The following MED12L variants were observed in gnomAD, a reference collection of about 807,000 sequenced individuals.
The protein encoded by MED12L is mediator complex subunit 12L, also known as mediator of RNA polymerase II transcription subunit 12-like protein.
Under a neutral mutation model 281.3 loss-of-function variants are expected in MED12L, and 60 were observed. The observed-to-expected ratio is 0.21, with a 90% CI of 0.17 to 0.26. The LOEUF is 0.26. Among genes scored for constraint, MED12L ranks in the 10% least tolerant of loss-of-function variants. The pLI is 1.00. For missense variants in MED12L, 2,146 were observed against 2,680.9 expected (o/e 0.80, Z 4.41); for synonymous variants, 974 against 987.2 (o/e 0.99, Z 0.25).
intron 16 of MED12L, chr3:151,294,487 G>T (rs1384696244): frequency 6.2e-7 from 1 of 1,614,174 alleles, no homozygotes. Flanking sequence ...CAACCCTGAT[G>T]CTCTGGTTAT....
At chr3:151,263,056 C>G (rs1387168281) in intron 16 of MED12L, among the ~76,000 whole-genome samples, 1 of 151,924 alleles carries the variant, frequency 6.6e-6, no homozygotes, top group African/African-American at 2.4e-5. Context: ...CGTGGGGTGG[C>G]GTTGGGGAAG....
At chr3:151,093,444 A>G (rs1311985948) in intron 2 of MED12L, among the ~76,000 whole-genome samples, 1 of 152,196 alleles carries the variant, frequency 6.6e-6, no homozygotes, top group East Asian at 1.9e-4. Flanking sequence ...CCTTTGCTTT[A>G]GTTTGCTATC....
At chr3:151,086,239 GCACCGGCCGCTTCC>G (rs983113312) in intron 1 of MED12L, among the ~76,000 whole-genome samples, 89 of 152,256 alleles carry the variant, frequency 5.8e-4, no homozygotes, top group Non-Finnish European at 1.1e-3. Context: ...CGTCTAGGAG[GCACCGGCCGCTTCC>G]CACCGGCCGC....
Position 151,383,817 on chromosome 3 carries a change from G to A in MED12L, c.4719G>A (p.Gln1573=). The change falls in exon 34 of 45, where the codon CAG becomes CAA. Residue 1573 remains glutamine, a synonymous_variant. Coordinates refer to ENST00000687756, the MANE Select transcript of MED12L (RefSeq NM_001393769.1). The part of the protein sequence containing the change: ...GMFDTVQRST[Q]WTTDWALLLL... Reference sequence around the variant, plus strand: ...TTGACACGGTGCAGAGGAGCACCCAGTGGACTACAGACTGGGCCCTGCTAC... The same window carrying A: ...TTGACACGGTGCAGAGGAGCACCCAATGGACTACAGACTGGGCCCTGCTAC... 1 of 1,614,044 alleles carries A rather than the reference G, an allele frequency of 6.2e-7. No individual in the cohort carries two copies. Among genetic ancestry groups the A allele is most frequent in the Non-Finnish European group, 8.5e-7 (1 of 1,179,942 alleles).
intron 16 of MED12L, among the ~76,000 whole-genome samples, chr3:151,208,421 G>A (rs561137117): frequency 6.6e-6 from 1 of 152,290 alleles, no homozygotes; most frequent in Non-Finnish European, 1.5e-5. Context: ...GGGCGCTCAC[G>A]CCTGTCATCT....
chr3:151,287,645 G>C (rs959546274), intron 16 of MED12L, among the ~76,000 whole-genome samples: 3 of 152,122 alleles, frequency 2.0e-5, no homozygotes, highest in African/African-American at 7.2e-5. Context: ...AGCTAGGTGT[G>C]CCTCGGTTTC....
chr3:151,431,570 T>A (rs1046777067), intron 44 of MED12L, among the ~76,000 whole-genome samples: 2 of 152,222 alleles, frequency 1.3e-5, no homozygotes, highest in African/African-American at 2.4e-5. Flanking sequence ...ATCTGGTCTA[T>A]TAAAACACAT....
rs1014222704 is a variant in MED12L at position 151,086,985 on chromosome 3, G to T, written c.59G>T (p.Gly20Val). The change falls in exon 2 of 45, where the codon GGG (glycine) becomes GTG (valine). Residue 20 changes from glycine (G) to valine (V), a missense_variant. By Grantham distance (109) the Gly-to-Val change is moderately radical. Transcript: ENST00000687756. ...AGACCGCTGAAGCGCCCCCGGCTCG[G>T]GCCGCCCGACGTCTACCCACAGGAC... Reference protein sequence around the residue: ...EQRPLKRPRLGPPDVYPQDPK... With the variant: ...EQRPLKRPRLVPPDVYPQDPK... 11 of 1,610,286 alleles carry T rather than the reference G, an allele frequency of 6.8e-6. No individual in the cohort carries two copies. The highest frequency in any genetic ancestry group is 9.3e-6 in the Non-Finnish European group (11 of 1,179,050).
rs1008785832 is a variant in MED12L, at chr3:151,415,454, C to T, written c.6298-858C>T. ...CTTGTTGGGATCATGCTACCCAGACCTCTGCTAGGATTCCAGATCCATGAG... is the reference window on the plus strand; with the variant it reads ...CTTGTTGGGATCATGCTACCCAGACTTCTGCTAGGATTCCAGATCCATGAG... On this transcript the variant is annotated intron_variant, in intron 42 of 44. Coordinates refer to ENST00000687756, the MANE Select transcript of MED12L (RefSeq NM_001393769.1). Among the ~76,000 whole-genome samples the T allele has an allele frequency of 8.5e-5, 13 of 152,240 alleles. 1 individual carries two copies. The highest frequency in any genetic ancestry group is 8.3e-4 in the South Asian group (4 of 4,832).
chr3:151,257,020 G>A (rs925774126), intron 16 of MED12L, among the ~76,000 whole-genome samples: 4 of 152,102 alleles, frequency 2.6e-5, no homozygotes, highest in Admixed American at 2.6e-4. Flanking sequence ...AGAAGCACAT[G>A]GATTTGAAAA....
intron 16 of MED12L, among the ~76,000 whole-genome samples, chr3:151,263,074 TGTA>T (rs1455780142): frequency 6.6e-6 from 1 of 152,106 alleles, no homozygotes; most frequent in Non-Finnish European, 1.5e-5. Flanking sequence ...AAGAGACCCA[TGTA>T]GGAGTACATG....
chr3:151,206,071 A>AT (rs60866327), intron 16 of MED12L, among the ~76,000 whole-genome samples: 8,111 of 124,136 alleles, frequency 0.065, 374 homozygotes, highest in Middle Eastern at 0.17. Flanking sequence ...AAAGAAAATA[A>AT]TTTTTTTTTT....
At chr3:151,108,767 G>A (rs191848436) in intron 2 of MED12L, among the ~76,000 whole-genome samples, 1 of 152,308 alleles carries the variant, frequency 6.6e-6, no homozygotes, top group African/African-American at 2.4e-5. Context: ...GATAGAGGGT[G>A]ACGCTCAGGA....
chr3:151,263,348 C>T (rs1739251979), intron 16 of MED12L, among the ~76,000 whole-genome samples: 1 of 152,198 alleles, frequency 6.6e-6, no homozygotes, highest in Non-Finnish European at 1.5e-5. Context: ...AACTGGATAA[C>T]ATTGCATTAT....
intron 16 of MED12L, among the ~76,000 whole-genome samples, chr3:151,336,119 T>G (rs1407307794): frequency 1.3e-5 from 2 of 152,214 alleles, no homozygotes; most frequent in South Asian, 2.1e-4. Context: ...GAAGGTTAGA[T>G]TAGTTGATCT....
intron 2 of MED12L, among the ~76,000 whole-genome samples, chr3:151,088,841 A>G (rs1281821199): frequency 1.3e-5 from 2 of 152,314 alleles, no homozygotes; most frequent in African/African-American, 2.4e-5. Flanking sequence ...ATTTATGTCA[A>G]AACTAATACT....
At chr3:151,149,889 G>T (rs1319342068) in intron 5 of MED12L, among the ~76,000 whole-genome samples, 1 of 152,284 alleles carries the variant, frequency 6.6e-6, no homozygotes, top group South Asian at 2.1e-4. Flanking sequence ...TTTACTGGGA[G>T]GTTGCAGCAA....
chr3:151,420,784 G>T (rs1484310794), intron 43 of MED12L, among the ~76,000 whole-genome samples: 1 of 152,182 alleles, frequency 6.6e-6, no homozygotes, highest in Non-Finnish European at 1.5e-5. Flanking sequence ...TCAGTGCCTT[G>T]GTCAGAGGCA....
chr3:151,266,083 G>T (rs1322799493), intron 16 of MED12L, among the ~76,000 whole-genome samples: 4 of 152,152 alleles, frequency 2.6e-5, no homozygotes, highest in Admixed American at 2.6e-4. Flanking sequence ...TGGCTTTGCT[G>T]CCATCTTTCC....
Sources: allele counts gnomAD v4.1 joint callset (sites outside exome capture counted in the v4.1 genomes callset), GRCh38; gene constraint gnomAD v4.1.1; transcripts MANE v1.5; gene names NCBI Gene and HGNC (gene_info 2026-07-23, HGNC 2026-07-21).